SGCZ: variants seen among roughly 807,000 people sequenced by gnomAD.
SGCZ encodes the protein sarcoglycan zeta, also known as zeta-sarcoglycan.
A neutral mutation model predicts 41.3 loss-of-function variants in SGCZ; 40 were observed. That is an observed-to-expected ratio of 0.97 (90% CI 0.75 to 1.26). SGCZ has a LOEUF of 1.26. Among genes scored for constraint, SGCZ ranks in the 50% most tolerant of loss-of-function variants. SGCZ has a pLI of 0.00. For synonymous variants in SGCZ, 206 were observed against 137.5 expected, an observed-to-expected ratio of 1.50 and a Z score of -3.49; for missense variants, 552 against 369.8, an observed-to-expected ratio of 1.49 and a Z score of -4.04.
intron 2 of SGCZ, among the ~76,000 whole-genome samples, chr8:14,379,715 A>G (rs2117186466): frequency 6.6e-6 from 1 of 152,110 alleles, no homozygotes; most frequent in African/African-American, 2.4e-5. Context: ...ACCCTACAAT[A>G]TATTGAAATT....
intron 1 of SGCZ, among the ~76,000 whole-genome samples, chr8:15,203,340 T>C (rs1026112035): frequency 5.9e-5 from 9 of 152,312 alleles, no homozygotes; most frequent in Admixed American, 3.9e-4. Flanking sequence ...TCGACAGTAG[T>C]GGGATTTTTA....
intron 1 of SGCZ, among the ~76,000 whole-genome samples, chr8:15,099,179 G>A (rs1806507123): frequency 6.6e-6 from 1 of 152,200 alleles, no homozygotes; most frequent in Admixed American, 6.5e-5. Context: ...AGCCAAATAA[G>A]AGAGGAATTA....
At chr8:14,481,439 C>T (rs1035860927) in intron 2 of SGCZ, among the ~76,000 whole-genome samples, 1 of 152,146 alleles carries the variant, frequency 6.6e-6, no homozygotes, top group African/African-American at 2.4e-5. Flanking sequence ...GTTTCAAAGT[C>T]ATGAATTTTG....
intron 1 of SGCZ, among the ~76,000 whole-genome samples, chr8:14,932,221 T>G (rs898850682): frequency 2.6e-5 from 4 of 151,958 alleles, no homozygotes; most frequent in Non-Finnish European, 5.9e-5. Context: ...GTTAACAAAT[T>G]ATAAAGGTTA....
At chr8:14,371,843 G>T (rs565911254) in intron 2 of SGCZ, among the ~76,000 whole-genome samples, 1 of 152,018 alleles carries the variant, frequency 6.6e-6, no homozygotes, top group Non-Finnish European at 1.5e-5. Context: ...TGTACATATG[G>T]AGAAGAAAAA....
chr8:14,574,110 A>C (rs1804638643), intron 1 of SGCZ, among the ~76,000 whole-genome samples: 1 of 152,088 alleles, frequency 6.6e-6, no homozygotes, highest in Admixed American at 6.6e-5. Flanking sequence ...GGGACTGATC[A>C]CTCTCTAGCT....
chr8:14,196,503 T>C (rs766637019), intron 4 of SGCZ, among the ~76,000 whole-genome samples: 1 of 152,132 alleles, frequency 6.6e-6, no homozygotes, highest in East Asian at 1.9e-4. Flanking sequence ...TAAACACAAA[T>C]TGACTACATG....
At chr8:14,909,946 A>G (rs1444677888) in intron 1 of SGCZ, among the ~76,000 whole-genome samples, 1 of 152,114 alleles carries the variant, frequency 6.6e-6, no homozygotes, top group Non-Finnish European at 1.5e-5. Flanking sequence ...TATTTTAACC[A>G]TTTAACTCTA....
chr8:15,133,474 G>A (rs759239346), intron 1 of SGCZ, among the ~76,000 whole-genome samples: 3 of 152,172 alleles, frequency 2.0e-5, no homozygotes, highest in Middle Eastern at 3.4e-3. Context: ...TGAAAAAGTC[G>A]ATTTTAGACT....
At chr8:14,630,862 G>T (rs1806625140) in intron 1 of SGCZ, among the ~76,000 whole-genome samples, 1 of 128,934 alleles carries the variant, frequency 7.8e-6, no homozygotes, top group African/African-American at 2.8e-5. Flanking sequence ...CAGACACTGG[G>T]GCCTGTTGTG....
chr8:15,063,775 T>G (rs1186121652), intron 1 of SGCZ, among the ~76,000 whole-genome samples: 1 of 152,230 alleles, frequency 6.6e-6, no homozygotes, highest in Non-Finnish European at 1.5e-5. Flanking sequence ...AGTGAAGTCA[T>G]GGGATAGTTC....
At chr8:14,765,531 T>C (rs1178473914) in intron 1 of SGCZ, among the ~76,000 whole-genome samples, 1 of 152,226 alleles carries the variant, frequency 6.6e-6, no homozygotes, top group Non-Finnish European at 1.5e-5. Flanking sequence ...CACTGTTTCC[T>C]GGCAGAGTAT....
At chr8:15,225,338 G>A (rs538241807) in intron 1 of SGCZ, among the ~76,000 whole-genome samples, 15 of 152,132 alleles carry the variant, frequency 9.9e-5, no homozygotes, top group Non-Finnish European at 4.4e-5. Flanking sequence ...TCTCTTCCTA[G>A]GACTAGTTTA....
chr8:14,840,959 A>T (rs1802885061), intron 1 of SGCZ, among the ~76,000 whole-genome samples: 1 of 152,098 alleles, frequency 6.6e-6, no homozygotes. Flanking sequence ...GTCATCTTAA[A>T]CTTCCCATTA....
intron 2 of SGCZ, among the ~76,000 whole-genome samples, chr8:14,390,749 AT>A (rs1384525956): frequency 1.3e-5 from 2 of 152,000 alleles, no homozygotes; most frequent in African/African-American, 4.8e-5. Flanking sequence ...AGTATGCATA[AT>A]TTTTCACAAT....
intron 1 of SGCZ, among the ~76,000 whole-genome samples, chr8:14,563,760 GTTAAT>G: frequency 6.6e-6 from 1 of 152,220 alleles, no homozygotes; most frequent in East Asian, 1.9e-4. Context: ...AAGTAATAAA[GTTAAT>G]TTAAGTCCAG....
rs1044815291 is a variant in SGCZ, at chr8:14,997,386, G to A, written c.39+240199C>T. On this transcript the variant is annotated intron_variant, in intron 1 of 7. Coordinates refer to ENST00000382080, the MANE Select transcript of SGCZ (RefSeq NM_139167.4). ...GCATATACTACCTTATCTGAATCAA[G>A]ATCATATTAATGCAGTAAAGACATC... Among the ~76,000 whole-genome samples the A allele has an allele frequency of 2.6e-5, 4 of 152,154 alleles. No individual in the cohort carries two copies. The South Asian group carries it at 8.3e-4, about 32-fold the overall frequency.
At chr8:14,270,034 T>A (rs914323793) in intron 3 of SGCZ, among the ~76,000 whole-genome samples, 1 of 152,074 alleles carries the variant, frequency 6.6e-6, no homozygotes, top group Non-Finnish European at 1.5e-5. Context: ...TAACTTCTTA[T>A]TAAAATAAAA....
chr8:14,749,528 G>A (rs1799436765), intron 1 of SGCZ, among the ~76,000 whole-genome samples: 2 of 152,150 alleles, frequency 1.3e-5, no homozygotes, highest in South Asian at 4.2e-4. Flanking sequence ...ATTTCATTTG[G>A]AATTCTGTCT....
Sources: allele counts gnomAD v4.1 joint callset (sites outside exome capture counted in the v4.1 genomes callset), GRCh38; gene constraint gnomAD v4.1.1; transcripts MANE v1.5; gene names NCBI Gene and HGNC (gene_info 2026-07-23, HGNC 2026-07-21).